Variants in CNTN6 observed in about 807,000 individuals in gnomAD.
CNTN6 encodes contactin-6.
Under a neutral mutation model 122.8 loss-of-function variants are expected in CNTN6, and 137 were observed. The observed-to-expected ratio is 1.12, with a 90% CI of 0.97 to 1.29. The LOEUF is 1.29. Among genes scored for constraint, CNTN6 ranks in the 50% most tolerant of loss-of-function variants. The pLI is 0.00. For synonymous variants in CNTN6, 570 were observed against 426.0 expected, an observed-to-expected ratio of 1.34 and a Z score of -4.16; for missense variants, 1,634 against 1,223.4, an observed-to-expected ratio of 1.34 and a Z score of -5.01.
chr3:1,229,652 A>G (rs1470426871), intron 4 of CNTN6, among the ~76,000 whole-genome samples: 1 of 152,156 alleles, frequency 6.6e-6, no homozygotes, highest in Non-Finnish European at 1.5e-5. Context: ...AATTTCTTGC[A>G]ACGAGAAGTT....
At position 1,288,220 on chromosome 3, in the gene CNTN6, A is replaced by G. The variant is rs371100379; in HGVS notation, c.455-7381A>G. Reference sequence around the variant, plus strand: ...TGTCATTCATAGGCCGTAAAGAACCACCATCTCCTTGATTCCAAACAGTAG... The same window carrying G: ...TGTCATTCATAGGCCGTAAAGAACCGCCATCTCCTTGATTCCAAACAGTAG... On this transcript the variant is annotated intron_variant, in intron 5 of 22. Transcript: ENST00000446702. Among the ~76,000 whole-genome samples the G allele has an allele frequency of 2.3e-4, 35 of 152,338 alleles. No individual in the cohort carries two copies. In the South Asian group the frequency reaches 7.0e-3, roughly 31 times the overall value.
chr3:1,323,660 CTCTA>C (rs1402813408), intron 8 of CNTN6, among the ~76,000 whole-genome samples: 3 of 151,680 alleles, frequency 2.0e-5, no homozygotes, highest in African/African-American at 7.3e-5. Context: ...ATTTTATAAT[CTCTA>C]AAAGAAATCT....
At chr3:1,237,619 CAAAGG>C (rs1475217086) in intron 4 of CNTN6, among the ~76,000 whole-genome samples, 1 of 152,000 alleles carries the variant, frequency 6.6e-6, no homozygotes, top group Non-Finnish European at 1.5e-5. Flanking sequence ...AAAGTTGAGA[CAAAGG>C]AAAGACTCTT....
chr3:1,253,866 AGGAATAATC>A (rs2094710435), intron 4 of CNTN6, among the ~76,000 whole-genome samples: 2 of 152,144 alleles, frequency 1.3e-5, no homozygotes, highest in Non-Finnish European at 2.9e-5. Flanking sequence ...TGCTGATCTA[AGGAATAATC>A]TCAGTCTTTG....
chr3:1,296,833 G>A (rs1461364592), intron 6 of CNTN6, among the ~76,000 whole-genome samples: 5 of 152,008 alleles, frequency 3.3e-5, no homozygotes, highest in Non-Finnish European at 7.4e-5. Flanking sequence ...AATATACTTG[G>A]AGATTCTACC....
chr3:1,293,908 T>G (rs992497223), intron 5 of CNTN6, among the ~76,000 whole-genome samples: 1 of 152,202 alleles, frequency 6.6e-6, no homozygotes, highest in African/African-American at 2.4e-5. Flanking sequence ...TACATATGAA[T>G]ATTTGCTTTT....
intron 20 of CNTN6, among the ~76,000 whole-genome samples, chr3:1,398,692 AT>A (rs1463282665): frequency 6.6e-6 from 1 of 151,590 alleles, no homozygotes; most frequent in Non-Finnish European, 1.5e-5. Context: ...TTCATATCTC[AT>A]AAATTAGGAG....
At chr3:1,233,721 C>T (rs1038627823) in intron 4 of CNTN6, among the ~76,000 whole-genome samples, 5 of 104,838 alleles carry the variant, frequency 4.8e-5, no homozygotes, top group East Asian at 2.7e-4. Context: ...GGCAACAGAA[C>T]GAGACTCTGT....
chr3:1,157,671 C>T (rs965507706), intron 2 of CNTN6, among the ~76,000 whole-genome samples: 1 of 152,060 alleles, frequency 6.6e-6, no homozygotes, highest in Non-Finnish European at 1.5e-5. Context: ...TTCCTAGCCT[C>T]TAGTAACCAT....
intron 2 of CNTN6, among the ~76,000 whole-genome samples, chr3:1,158,086 T>G (rs1363338826): frequency 6.6e-6 from 1 of 152,200 alleles, no homozygotes; most frequent in African/African-American, 2.4e-5. Context: ...AACTCTAGTT[T>G]TAGTTTTAGA....
At chr3:1,264,073 A>G (rs1183841964) in intron 4 of CNTN6, among the ~76,000 whole-genome samples, 1 of 152,118 alleles carries the variant, frequency 6.6e-6, no homozygotes, top group Non-Finnish European at 1.5e-5. Flanking sequence ...AATGTTCTGA[A>G]CACAGGTGAA....
intron 11 of CNTN6, among the ~76,000 whole-genome samples, chr3:1,334,551 A>G (rs265766): frequency 0.5 from 76,657 of 151,900 alleles, 20,666 homozygotes; most frequent in East Asian, 0.77. Flanking sequence ...TGAAAGTTCT[A>G]TCTTAGTTAT....
chr3:1,300,601 GAA>G (rs778372813), intron 7 of CNTN6, among the ~76,000 whole-genome samples: 6 of 118,610 alleles, frequency 5.1e-5, no homozygotes, highest in African/African-American at 1.1e-4. Context: ...AAGAAAGAAA[GAA>G]AGAGAGAAAG....
chr3:1,318,428 T>C (rs2125957285), intron 7 of CNTN6, among the ~76,000 whole-genome samples: 1 of 151,924 alleles, frequency 6.6e-6, no homozygotes, highest in South Asian at 2.1e-4. Flanking sequence ...TAAGGTTTCC[T>C]ACAGTTGGTA....
intron 1 of CNTN6, among the ~76,000 whole-genome samples, chr3:1,102,071 AT>A (rs2090927198): frequency 6.6e-6 from 1 of 152,184 alleles, no homozygotes; most frequent in African/African-American, 2.4e-5. Flanking sequence ...CAAATAAGAT[AT>A]TTGGTGAAGT....
rs141075465 is a variant in CNTN6 at position 1,197,558 on chromosome 3, C to T, written c.56-23129C>T. ...AGTAAATAAGTAAATAGGAAAGCAG[C>T]ATCTACAACACTTAGTGATGTAAGT... On this transcript the variant is annotated intron_variant, in intron 2 of 22. Transcript: ENST00000446702. 5.1e-3 allele frequency among the ~76,000 whole-genome samples: 783 copies of T among 152,252 alleles called. 5 individuals are homozygous for T. The highest frequency in any genetic ancestry group is 0.018 in the African/African-American group (750 of 41,538).
rs1363831866 is a variant in CNTN6, at chr3:1,388,206, T to A, written c.2704+2409T>A. On this transcript the variant is annotated intron_variant, in intron 20 of 22. Coordinates refer to ENST00000446702, the MANE Select transcript of CNTN6 (RefSeq NM_001289080.2). ...AGCACTGGTTCTCCCAGCATGCAGC[T>A]GGAGATCTGAGAACTGGCACACTGC... Among the ~76,000 whole-genome samples, 53 of 150,182 alleles carry A rather than the reference T, an allele frequency of 3.5e-4. No individual in the cohort carries two copies. The South Asian group carries it at 6.8e-3, about 19-fold the overall frequency.
At chr3:1,380,762 C>T (rs1191245572) in intron 17 of CNTN6, among the ~76,000 whole-genome samples, 1 of 152,186 alleles carries the variant, frequency 6.6e-6, no homozygotes, top group African/African-American at 2.4e-5. Flanking sequence ...AACCAGGCTG[C>T]ATGCCAGATG....
chr3:1,231,421 A>G (rs1293291156), intron 4 of CNTN6, among the ~76,000 whole-genome samples: 1 of 152,224 alleles, frequency 6.6e-6, no homozygotes, highest in Non-Finnish European at 1.5e-5. Context: ...TACCCTGTCC[A>G]TGGCAGAAAC....
Sources: gnomAD v4.1 joint callset for allele counts (sites outside exome capture counted in the v4.1 genomes callset) on GRCh38, gnomAD v4.1.1 for gene constraint, MANE v1.5 for transcripts, NCBI Gene and HGNC (gene_info 2026-07-23, HGNC 2026-07-21) for gene names.